ACOT1: variants seen among roughly 807,000 people sequenced by gnomAD.
ACOT1 encodes acyl-coenzyme A thioesterase 1.
Under a neutral mutation model 15.7 loss-of-function variants are expected in ACOT1, and 8 were observed. The observed-to-expected ratio is 0.51, with a 90% CI of 0.30 to 0.92. The LOEUF (loss-of-function observed/expected upper bound fraction) is 0.92. ACOT1 is among the 40% of genes least tolerant of loss of function. The pLI is 0.06. For synonymous variants in ACOT1, 67 were observed against 241.2 expected (o/e 0.28, Z 6.69); for missense variants, 151 against 539.4 (o/e 0.28, Z 7.13).
At chr14:73,519,905 A>G in the ACOT1 span, 1 of 152,144 alleles carries the variant, frequency 6.6e-6, no homozygotes, top group Non-Finnish European at 1.5e-5. Context: ...AATCCCAGCT[A>G]TTTGGGAGGT....
At chr14:73,533,046 G>C (rs1226465555), upstream of ACOT1, among the ~76,000 whole-genome samples, 1 of 115,092 alleles carries the variant, frequency 8.7e-6, no homozygotes, top group African/African-American at 2.8e-5. Flanking sequence ...GATCCTTTGA[G>C]CCCAGGAGTT....
At chr14:73,499,006 C>G in the ACOT1 span, 2 of 1,374,130 alleles carry the variant, frequency 1.5e-6, no homozygotes, top group Non-Finnish European at 1.0e-6. Context: ...TTCAGGGGAT[C>G]ATTTCTACTT....
chr14:73,506,809 T>TTTTTTTTTTG, the ACOT1 span, among the ~76,000 whole-genome samples: 4 of 112,530 alleles, frequency 3.6e-5, 2 homozygotes, highest in East Asian at 9.9e-4. Context: ...TAACTGTTTT[T>TTTTTTTTTTG]TTTTTTTTTT....
chr14:73,523,075 GC>G, the ACOT1 span: 1 of 1,613,276 alleles, frequency 6.2e-7, no homozygotes, highest in Non-Finnish European at 8.5e-7. Context: ...TTAAAATCAT[GC>G]CCCATCCCAG....
At chr14:73,503,077 G>T in the ACOT1 span, 4 of 1,336,148 alleles carry the variant, frequency 3.0e-6, no homozygotes, top group Admixed American at 5.1e-5. Context: ...GCTTGGCGTT[G>T]TGCTGTTTTT....
chr14:73,510,140 C>T, the ACOT1 span, among the ~76,000 whole-genome samples: 11 of 151,672 alleles, frequency 7.3e-5, no homozygotes, highest in African/African-American at 1.5e-4. Flanking sequence ...GGATTACAGA[C>T]GTGTGCCACC....
the ACOT1 span, chr14:73,511,993 CTTTGGCTCTCACCT>C: frequency 1.2e-6 from 2 of 1,613,790 alleles, no homozygotes; most frequent in Non-Finnish European, 1.7e-6. Flanking sequence ...AGCAGTTCAG[CTTTGGCTCTCACCT>C]GAGTCTCTCT....
the ACOT1 span, among the ~76,000 whole-genome samples, chr14:73,526,431 T>G: frequency 4.5e-4 from 69 of 152,188 alleles, no homozygotes; most frequent in Admixed American, 1.1e-3. Flanking sequence ...GGACTTTGGG[T>G]GTGTGTGACC....
chr14:73,515,818 C>T, the ACOT1 span, among the ~76,000 whole-genome samples: 2 of 110,052 alleles, frequency 1.8e-5, no homozygotes, highest in Non-Finnish European at 3.6e-5. Context: ...GGCCTCCCTC[C>T]TTTCTGGGGT....
At chr14:73,514,976 G>A in the ACOT1 span, among the ~76,000 whole-genome samples, 3 of 151,862 alleles carry the variant, frequency 2.0e-5, no homozygotes, top group Middle Eastern at 6.8e-3. Flanking sequence ...GCTGAGGCAG[G>A]AGAATCACTT....
chr14:73,509,434 G>C, the ACOT1 span: 1 of 1,614,052 alleles, frequency 6.2e-7, no homozygotes, highest in Non-Finnish European at 8.5e-7. Flanking sequence ...AGCCTCTAGG[G>C]CAGGCAGTAG....
the ACOT1 span, among the ~76,000 whole-genome samples, chr14:73,510,884 A>G: frequency 6.6e-6 from 1 of 152,238 alleles, no homozygotes; most frequent in Admixed American, 6.5e-5. Flanking sequence ...TAGGGTCCAC[A>G]AAGGGCCTGC....
At chr14:73,492,779 T>A in the ACOT1 span, 1 of 1,613,936 alleles carries the variant, frequency 6.2e-7, no homozygotes, top group Non-Finnish European at 8.5e-7. The surrounding 1 kb of genome is among the most constrained non-coding windows in gnomAD (Gnocchi z 4.9). Context: ...CTTGGAAATA[T>A]ACCCCCAGCA....
the ACOT1 span, among the ~76,000 whole-genome samples, chr14:73,512,528 C>T: frequency 6.6e-6 from 1 of 152,118 alleles, no homozygotes; most frequent in Non-Finnish European, 1.5e-5. Context: ...AGTTACTTAA[C>T]CCTGAGCCTG....
chr14:73,512,698 T>C, the ACOT1 span, among the ~76,000 whole-genome samples: 3 of 152,374 alleles, frequency 2.0e-5, no homozygotes, highest in Middle Eastern at 3.4e-3. Context: ...AGGTTCTTTG[T>C]CTTTGAGGGC....
At chr14:73,541,387 G>A (rs576716195) in intron 1 of ACOT1, 106 bp from the exon 2 acceptor site, 1 of 949,570 alleles carries the variant, frequency 1.1e-6, no homozygotes, top group South Asian at 1.5e-5. Context: ...CTAGGAGTGG[G>A]ATTGCTGGGT....
upstream of ACOT1, among the ~76,000 whole-genome samples, chr14:73,535,172 AATGAT>A (rs1459540479): frequency 8.7e-6 from 1 of 115,010 alleles, no homozygotes; most frequent in African/African-American, 2.8e-5. Context: ...TCTCTATTAA[AATGAT>A]ATGATTAGCA....
the ACOT1 span, chr14:73,491,517 C>T: frequency 2.6e-6 from 4 of 1,514,930 alleles, no homozygotes; most frequent in Non-Finnish European, 3.5e-6. Context: ...CCTGCGACGG[C>T]GTCGGGGCCG....
chr14:73,491,014 G>C, the ACOT1 span: 3 of 1,488,394 alleles, frequency 2.0e-6, no homozygotes, highest in Non-Finnish European at 1.8e-6. Flanking sequence ...GGTGTGGTCT[G>C]GCCATGGATG....
Sources: allele counts gnomAD v4.1 joint callset (sites outside exome capture counted in the v4.1 genomes callset), GRCh38; gene constraint gnomAD v4.1.1; non-coding constraint Gnocchi (gnomAD v3.1); transcripts MANE v1.5; gene names NCBI Gene and HGNC (gene_info 2026-07-23, HGNC 2026-07-21).